EIF2S1: variants seen among roughly 807,000 people sequenced by gnomAD.
EIF2S1 encodes eukaryotic translation initiation factor 2 subunit 1.
In EIF2S1, 5 loss-of-function variants were observed where a neutral mutation model predicts 33.5. That is an observed-to-expected ratio of 0.15 (90% CI 0.08 to 0.31). The LOEUF is 0.31. Ranked by LOEUF, EIF2S1 falls within the 10% of genes least tolerant of loss-of-function variation. EIF2S1 has a pLI of 1.00. For synonymous variants in EIF2S1, 99 were observed against 127.5 expected (o/e 0.78, Z 1.51); for missense variants, 191 against 384.6 (o/e 0.50, Z 4.21).
At chr14:67,373,541 C>A (rs747154465) in intron 2 of EIF2S1, among the ~76,000 whole-genome samples, 9 of 152,184 alleles carry the variant, frequency 5.9e-5, no homozygotes, top group Non-Finnish European at 1.0e-4. Flanking sequence ...GACATGCTGT[C>A]CTCCAGTATT....
chr14:67,376,354 C>T, intron 3 of EIF2S1, 85 bp from the exon 4 acceptor site: 2 of 1,297,220 alleles, frequency 1.5e-6, no homozygotes, highest in Admixed American at 2.6e-5. Context: ...TTATTGTAGC[C>T]AAATTATGTT....
intron 2 of EIF2S1, among the ~76,000 whole-genome samples, chr14:67,368,533 A>G (rs2085796391): frequency 6.6e-6 from 1 of 152,196 alleles, no homozygotes; most frequent in Admixed American, 6.5e-5. Context: ...TCTGTGATTA[A>G]TGGATGCCAA....
Position 67,364,996 on chromosome 14 carries a change from G to A in EIF2S1, c.229G>A (p.Asp77Asn). 6.3e-7 allele frequency: 1 copy of A among 1,591,452 alleles called. No individual in the cohort carries two copies. Among genetic ancestry groups the A allele is most frequent in the Non-Finnish European group, 8.6e-7 (1 of 1,168,134 alleles). The change falls in exon 2 of 8, where the codon GAC (aspartate) becomes AAC (asparagine). Residue 77 changes from aspartate to asparagine, a missense_variant. Coordinates refer to ENST00000256383, the MANE Select transcript of EIF2S1 (RefSeq NM_004094.5). ...RNECVVVIRVDKEKGYIDLSK... is the reference protein window; with the variant it reads ...RNECVVVIRVNKEKGYIDLSK... ...TGAGTGTGTGGTTGTCATTAGGGTGGACAAAGAAAAAGGTAAGTGAGAAAA... is the reference window on the plus strand; with the variant it reads ...TGAGTGTGTGGTTGTCATTAGGGTGAACAAAGAAAAAGGTAAGTGAGAAAA...
chr14:67,377,380 T>C (rs2085862607), intron 4 of EIF2S1, among the ~76,000 whole-genome samples: 1 of 152,196 alleles, frequency 6.6e-6, no homozygotes, highest in Admixed American at 6.5e-5. Flanking sequence ...TCCTGGTCAG[T>C]TCTTCAGTAG....
intron 1 of EIF2S1, among the ~76,000 whole-genome samples, chr14:67,363,454 G>T (rs1260682317): frequency 6.6e-6 from 1 of 152,038 alleles, no homozygotes; most frequent in African/African-American, 2.4e-5. Flanking sequence ...ATATATTAAT[G>T]TTGCTTTTTA....
intron 6 of EIF2S1, among the ~76,000 whole-genome samples, chr14:67,382,185 A>G (rs2085890924): frequency 6.6e-6 from 1 of 152,008 alleles, no homozygotes; most frequent in Non-Finnish European, 1.5e-5. Context: ...CACGGAAATG[A>G]TAATTCTTTC....
rs1162869133 is a variant in EIF2S1 at position 67,386,166 on chromosome 14, CAAAA to C, written c.*2730_*2733del. On this transcript the variant is annotated 3_prime_UTR_variant, in exon 8 of 8. Coordinates refer to ENST00000256383, the MANE Select transcript of EIF2S1 (RefSeq NM_004094.5). Reference sequence around the variant, plus strand: ...ACCTATCGATATTCAAAAGGCAAAACAAAAAAACTAATTCCAGGGACATTAGACC... The same window carrying C: ...ACCTATCGATATTCAAAAGGCAAAACAAACTAATTCCAGGGACATTAGACC... 1.3e-5 allele frequency: 2 copies of C among 152,410 alleles called. No individual in the cohort carries two copies. Among genetic ancestry groups the C allele is most frequent in the Non-Finnish European group, 1.5e-5 (1 of 67,970 alleles). 9.4% of individuals were successfully genotyped at this position (152,410 alleles called of 1,614,324 possible).
At chr14:67,370,775 C>T (rs138794890) in intron 2 of EIF2S1, among the ~76,000 whole-genome samples, 1 of 152,200 alleles carries the variant, frequency 6.6e-6, no homozygotes, top group Non-Finnish European at 1.5e-5. Flanking sequence ...TCTGTAATTC[C>T]AGCACTTTGG....
intron 6 of EIF2S1, 153 bp from the exon 7 acceptor site, chr14:67,382,294 A>G (rs1419555403): frequency 1.1e-5 from 6 of 554,260 alleles, no homozygotes; most frequent in Non-Finnish European, 1.2e-5. Flanking sequence ...GTAATTGCCA[A>G]TTCTGTAGGA....
Position 67,383,487 on chromosome 14 carries a change from C to T in EIF2S1, c.*47C>T. On this transcript the variant is annotated 3_prime_UTR_variant, in exon 8 of 8. Coordinates refer to ENST00000256383, the MANE Select transcript of EIF2S1 (RefSeq NM_004094.5). The stretch of plus-strand genomic sequence containing the variant: ...ATTTAAGGAACACAGAGCAGCGCTT[C>T]CTGGCTGTAAATCCTAGACTTGAAA... The T allele has an allele frequency of 1.2e-6, 2 of 1,606,652 alleles. No individual in the cohort carries two copies. The highest frequency in any genetic ancestry group is 1.7e-5 in the Admixed American group (1 of 59,606).
intron 3 of EIF2S1, among the ~76,000 whole-genome samples, chr14:67,375,286 CAA>C (rs2085851203): frequency 6.9e-6 from 1 of 145,586 alleles, no homozygotes; most frequent in Admixed American, 6.9e-5. Context: ...GTGTGTGTCA[CAA>C]AGTCTTTCCC....
intron 4 of EIF2S1, among the ~76,000 whole-genome samples, chr14:67,379,110 A>G (rs2085872632): frequency 6.6e-6 from 1 of 152,136 alleles, no homozygotes; most frequent in Admixed American, 6.6e-5. Flanking sequence ...CTGTTCCTCT[A>G]TTAAGAGTTG....
intron 2 of EIF2S1, among the ~76,000 whole-genome samples, chr14:67,367,142 A>G (rs2085784449): frequency 6.6e-6 from 1 of 152,162 alleles, no homozygotes; most frequent in South Asian, 2.1e-4. Flanking sequence ...TAGGGGAAAA[A>G]TCTGAACAGA....
At chr14:67,382,344 G>A in intron 6 of EIF2S1, 103 bp from the exon 7 acceptor site, 1 of 1,072,532 alleles carries the variant, frequency 9.3e-7, no homozygotes, top group Non-Finnish European at 1.3e-6. Flanking sequence ...ATTACGTTTT[G>A]GGGTGATTTG....
At chr14:67,376,751 GT>G (rs758475709) in intron 4 of EIF2S1, among the ~76,000 whole-genome samples, 161 bp downstream of exon 4, 7 of 152,170 alleles carry the variant, frequency 4.6e-5, no homozygotes, top group Non-Finnish European at 8.8e-5. Flanking sequence ...AGTCTGTGTA[GT>G]TTTATGTATC....
At chr14:67,382,334 A>G in intron 6 of EIF2S1, 113 bp from the exon 7 acceptor site, 2 of 953,268 alleles carry the variant, frequency 2.1e-6, no homozygotes, top group Non-Finnish European at 3.0e-6. Flanking sequence ...AGAATTGGCA[A>G]TTACGTTTTG....
rs1306033130 is a variant in EIF2S1 at position 67,383,599 on chromosome 14, TC to T, written c.*161del. 1 of 1,045,370 alleles carries T rather than the reference TC, an allele frequency of 9.6e-7. No homozygotes were observed. Among genetic ancestry groups the T allele is most frequent in the Admixed American group, 2.1e-5 (1 of 46,928 alleles). The allele number at this position is 1,045,370 out of a possible 1,614,324, so 64.8% of individuals were successfully genotyped here. On this transcript the variant is annotated 3_prime_UTR_variant, in exon 8 of 8. Transcript: ENST00000256383. ...TAACAGATCAGAACATGAAATGCCC[TC>T]CTAAATGTCAGCTGTTGTCACACAG...
intron 1 of EIF2S1, 176 bp from the exon 2 acceptor site, chr14:67,364,591 T>C (rs2085762025): frequency 1.7e-6 from 1 of 590,792 alleles, no homozygotes; most frequent in African/African-American, 1.9e-5. Flanking sequence ...AAAGCTTGGT[T>C]CCTGAACATT....
At chr14:67,365,056 T>G in intron 2 of EIF2S1, 48 bp downstream of exon 2, 7 of 1,515,722 alleles carry the variant, frequency 4.6e-6, no homozygotes, top group Non-Finnish European at 6.2e-6. Context: ...TTAAAATGGT[T>G]TATTTAAAAA....
Sources: gnomAD v4.1 joint callset for allele counts (sites outside exome capture counted in the v4.1 genomes callset) on GRCh38, gnomAD v4.1.1 for gene constraint, MANE v1.5 for transcripts, NCBI Gene and HGNC (gene_info 2026-07-23, HGNC 2026-07-21) for gene names.